Variants in TMCO6 observed in about 807,000 individuals in gnomAD.
TMCO6 encodes the protein transmembrane and coiled-coil domain-containing protein 6.
In TMCO6, 47 loss-of-function variants were observed where a neutral mutation model predicts 61.8. The observed-to-expected ratio is 0.76, with a 90% confidence interval of 0.60 to 0.97. The LOEUF is 0.97. Among genes scored for constraint, TMCO6 ranks in the 50% least tolerant of loss-of-function variants. The pLI, the probability that TMCO6 is intolerant of heterozygous loss-of-function variation, is 0.00. For synonymous variants in TMCO6, 261 were observed against 254.2 expected, an observed-to-expected ratio of 1.03 and a Z score of -0.25; for missense variants, 557 against 601.6, an observed-to-expected ratio of 0.93 and a Z score of 0.78.
the TMCO6 span, among the ~76,000 whole-genome samples, chr5:140,633,959 T>G: frequency 6.6e-5 from 10 of 152,124 alleles, no homozygotes; most frequent in East Asian, 1.9e-3. Flanking sequence ...CAGCTAATTT[T>G]TGTATTTTTT....
At chr5:140,626,534 G>T in the TMCO6 span, among the ~76,000 whole-genome samples, 10 of 152,076 alleles carry the variant, frequency 6.6e-5, no homozygotes, top group Non-Finnish European at 2.9e-5. Flanking sequence ...CCAAGTGTCT[G>T]GGATTACAGG....
At chr5:140,604,874 A>G in the TMCO6 span, among the ~76,000 whole-genome samples, 26 of 145,916 alleles carry the variant, frequency 1.8e-4, no homozygotes, top group East Asian at 5.0e-3. Context: ...TGGCTTCATT[A>G]TCAAAAATCA....
At chr5:140,632,689 C>T in the TMCO6 span, 8 of 1,613,734 alleles carry the variant, frequency 5.0e-6, no homozygotes, top group Non-Finnish European at 5.1e-6. The surrounding 1 kb of genome is among the most constrained non-coding windows in gnomAD (Gnocchi z 6.2). Flanking sequence ...GGAACCTGTG[C>T]GGCTCCCACT....
At chr5:140,609,913 C>T in the TMCO6 span, among the ~76,000 whole-genome samples, 7 of 151,930 alleles carry the variant, frequency 4.6e-5, no homozygotes, top group African/African-American at 1.7e-4. Context: ...CTCACTGTCA[C>T]CCAGGATGGA....
At chr5:140,632,542 G>A in the TMCO6 span, 13 of 1,614,032 alleles carry the variant, frequency 8.1e-6, no homozygotes, top group Non-Finnish European at 1.1e-5. The surrounding 1 kb of genome is among the most constrained non-coding windows in gnomAD (Gnocchi z 6.2). Context: ...TTGCGTAGGC[G>A]CAAGCTGGAA....
downstream of TMCO6, among the ~76,000 whole-genome samples, chr5:140,646,001 TTCTC>T (rs1416758796): frequency 5.5e-5 from 8 of 146,564 alleles, no homozygotes; most frequent in South Asian, 6.5e-4. Flanking sequence ...TGGGAGCCCA[TTCTC>T]TCTCTTTTTT....
At chr5:140,610,186 TAAA>T in the TMCO6 span, among the ~76,000 whole-genome samples, 5 of 70,742 alleles carry the variant, frequency 7.1e-5, no homozygotes, top group Admixed American at 1.7e-4. Context: ...CCATTTCTAC[TAAA>T]AAAAAAAAAA....
the TMCO6 span, among the ~76,000 whole-genome samples, chr5:140,614,022 C>T: frequency 6.6e-6 from 1 of 152,122 alleles, no homozygotes; most frequent in Non-Finnish European, 1.5e-5. Flanking sequence ...CCTCAGCCTC[C>T]TGAGTAGCTG....
chr5:140,639,316 A>G, upstream of TMCO6: 1 of 568,974 alleles, frequency 1.8e-6, no homozygotes, highest in Non-Finnish European at 3.1e-6. Flanking sequence ...GCTCTGGTCT[A>G]GTGGTGCAGC....
intron 2 of TMCO6, among the ~76,000 whole-genome samples, chr5:140,640,816 G>A (rs2149791333): frequency 6.6e-6 from 1 of 152,330 alleles, no homozygotes; most frequent in African/African-American, 2.4e-5. Flanking sequence ...AAACCCGGTT[G>A]CCTGCACATT....
upstream of TMCO6, chr5:140,639,160 C>T (rs5744430): frequency 0.014 from 3,044 of 220,040 alleles, 105 homozygotes; most frequent in African/African-American, 0.068. Flanking sequence ...GAACTTTCAT[C>T]TAGAGCGTAT....
At chr5:140,642,149 G>GCAA in intron 4 of TMCO6, 96 bp downstream of exon 4, 3 of 1,507,686 alleles carry the variant, frequency 2.0e-6, no homozygotes, top group Non-Finnish European at 2.7e-6. Flanking sequence ...AAGAAAACAT[G>GCAA]TTTGCCCTTA....
the TMCO6 span, among the ~76,000 whole-genome samples, chr5:140,634,225 C>T: frequency 6.6e-6 from 1 of 152,168 alleles, no homozygotes; most frequent in Non-Finnish European, 1.5e-5. Flanking sequence ...GCACGTTGCT[C>T]TCTCCTGCCC....
rs562550480 is a variant in TMCO6, at chr5:140,643,018, G to A, written c.783G>A (p.Trp261Ter). The change falls in exon 7 of 12, where the codon TGG becomes TGA. Residue 261 changes from tryptophan (W) to a stop codon, truncating the protein, a stop_gained. Coordinates refer to ENST00000394671, the MANE Select transcript of TMCO6 (RefSeq NM_018502.5). LOFTEE classifies it high-confidence loss of function. ...LNPGVAVEFA[W>*]CLHYIICSQV... The stretch of plus-strand genomic sequence containing the variant: ...CTGGGGTCGCTGTGGAGTTTGCCTG[G>A]TGCCTTCATTACATCATCTGCAGGT... 9.9e-6 allele frequency: 16 copies of A among 1,614,174 alleles called. No individual in the cohort carries two copies. Among genetic ancestry groups the A allele is most frequent in the East Asian group, 2.2e-5 (1 of 44,892 alleles).
Position 140,644,984 on chromosome 5 carries a change from G to A in TMCO6, c.1369-1G>A. The A allele has an allele frequency of 1.2e-6, 2 of 1,614,014 alleles. No individual in the cohort carries two copies. The highest frequency in any genetic ancestry group is 1.7e-6 in the Non-Finnish European group (2 of 1,179,938). ...TGTTGAATTTTCTTCCCTGCCCCTA[G>A]GCTGTTCAGGTCTTCCTGCAGCAGT... On this transcript the variant is annotated splice_acceptor_variant, in intron 11 of 11. Transcript: ENST00000394671. LOFTEE classifies it high-confidence loss of function.
intron 11 of TMCO6, 109 bp from the exon 12 acceptor site, chr5:140,644,876 C>T: frequency 6.6e-7 from 1 of 1,503,800 alleles, no homozygotes; most frequent in Non-Finnish European, 9.1e-7. Flanking sequence ...GAAACTTCAT[C>T]CTCTTGTTGG....
the TMCO6 span, chr5:140,633,107 A>G: frequency 1.2e-6 from 2 of 1,613,716 alleles, no homozygotes; most frequent in Middle Eastern, 1.7e-4. Context: ...AGCTCCGGAC[A>G]GGCTCTGGAA....
upstream of TMCO6, among the ~76,000 whole-genome samples, chr5:140,638,332 A>G (rs893026505): frequency 2.6e-5 from 4 of 152,178 alleles, no homozygotes; most frequent in African/African-American, 9.7e-5. Context: ...AATGAACTAG[A>G]AAGTTAGTCC....
the TMCO6 span, among the ~76,000 whole-genome samples, chr5:140,616,159 G>A: frequency 4.0e-5 from 6 of 150,210 alleles, no homozygotes; most frequent in African/African-American, 1.5e-4. Flanking sequence ...AAGAAAGAAA[G>A]CATAGTGAAA....
Sources: gnomAD v4.1 joint callset for allele counts (sites outside exome capture counted in the v4.1 genomes callset) on GRCh38, gnomAD v4.1.1 for gene constraint, Gnocchi (gnomAD v3.1) non-coding constraint, MANE v1.5 for transcripts, NCBI Gene and HGNC (gene_info 2026-07-23, HGNC 2026-07-21) for gene names.